The following DPY30 variants were observed in gnomAD, a reference collection of about 807,000 sequenced individuals.
DPY30 encodes the protein dpy-30 histone methyltransferase complex regulatory subunit, also known as protein dpy-30 homolog.
Under a neutral mutation model 16.2 loss-of-function variants are expected in DPY30, and 6 were observed. That is an observed-to-expected ratio of 0.37 (90% confidence interval 0.20 to 0.73). The LOEUF (loss-of-function observed/expected upper bound fraction) is 0.73. DPY30 is among the 30% of genes least tolerant of loss of function. The pLI, the probability that DPY30 is intolerant of heterozygous loss-of-function variation, is 0.51. For synonymous variants in DPY30, 39 were observed against 38.8 expected (o/e 1.00, Z -0.02); for missense variants, 73 against 113.1 (o/e 0.65, Z 1.61).
chr2:32,029,897 C>G (rs1675468272), intron 3 of DPY30, among the ~76,000 whole-genome samples, 161 bp from the exon 4 acceptor site: 2 of 152,048 alleles, frequency 1.3e-5, no homozygotes, highest in South Asian at 4.1e-4. Flanking sequence ...TAAATTCAGA[C>G]CCATCTTTCA....
chr2:32,037,577 A>G (rs2148671883), intron 3 of DPY30, among the ~76,000 whole-genome samples: 1 of 149,254 alleles, frequency 6.7e-6, no homozygotes, highest in South Asian at 2.1e-4. Flanking sequence ...TTTTTTTTTG[A>G]GACAGAGTCT....
intron 3 of DPY30, among the ~76,000 whole-genome samples, chr2:32,035,783 A>T (rs1333476043): frequency 2.0e-5 from 3 of 151,336 alleles, no homozygotes; most frequent in South Asian, 2.1e-4. Context: ...AAAATACAAA[A>T]ATTAGCTGGG....
chr2:32,034,298 C>A (rs1675656583), intron 3 of DPY30, among the ~76,000 whole-genome samples: 1 of 152,128 alleles, frequency 6.6e-6, no homozygotes, highest in Admixed American at 6.6e-5. Flanking sequence ...TATTTGGCCA[C>A]AGTTCTGCAA....
intron 4 of DPY30, among the ~76,000 whole-genome samples, chr2:32,026,239 A>G (rs1450356992): frequency 6.6e-6 from 1 of 151,634 alleles, no homozygotes; most frequent in East Asian, 2.0e-4. Flanking sequence ...TAAGACCCCA[A>G]CTCTTCAAAA....
At chr2:32,029,069 C>G (rs1174945610) in intron 4 of DPY30, among the ~76,000 whole-genome samples, 1 of 151,992 alleles carries the variant, frequency 6.6e-6, no homozygotes, top group Non-Finnish European at 1.5e-5. Context: ...GTTAGGAGTT[C>G]AAGACCAGCC....
At chr2:32,024,322 G>A (rs955724498) in intron 4 of DPY30, 66 bp from the exon 5 acceptor site, 13 of 1,152,058 alleles carry the variant, frequency 1.1e-5, no homozygotes, top group East Asian at 5.0e-5. Flanking sequence ...TAAACATATT[G>A]TTCCATAATG....
At chr2:32,039,215 A>T in intron 3 of DPY30, 64 bp downstream of exon 3, 1 of 1,558,674 alleles carries the variant, frequency 6.4e-7, no homozygotes, top group Non-Finnish European at 8.8e-7. Flanking sequence ...GTAAAAGCAG[A>T]TCCCAAGTTT....
At chr2:32,033,554 C>T (rs1007586624) in intron 3 of DPY30, among the ~76,000 whole-genome samples, 13 of 152,194 alleles carry the variant, frequency 8.5e-5, no homozygotes, top group African/African-American at 2.9e-4. Flanking sequence ...TGCCTGTAAT[C>T]CCAGCTACTC....
At chr2:32,017,159 A>T (rs928052086) in intron 5 of DPY30, among the ~76,000 whole-genome samples, 2 of 152,140 alleles carry the variant, frequency 1.3e-5, no homozygotes, top group African/African-American at 4.8e-5. Context: ...CTGGGATTAC[A>T]GGCGTGAGCC....
At chr2:32,029,538 A>G in intron 4 of DPY30, 56 bp downstream of exon 4, 7 of 1,590,316 alleles carry the variant, frequency 4.4e-6, no homozygotes, top group Non-Finnish European at 6.0e-6. Flanking sequence ...TATTTCAGAT[A>G]GGGGAATCTA....
At chr2:32,033,271 G>A (rs1675611661) in intron 3 of DPY30, among the ~76,000 whole-genome samples, 1 of 151,878 alleles carries the variant, frequency 6.6e-6, no homozygotes, top group Non-Finnish European at 1.5e-5. Context: ...TCGCACCGTT[G>A]CACTCCAGCC....
chr2:32,017,827 C>T (rs1675093549), intron 5 of DPY30, among the ~76,000 whole-genome samples: 1 of 152,166 alleles, frequency 6.6e-6, no homozygotes, highest in Non-Finnish European at 1.5e-5. Flanking sequence ...TGCTGTGTTC[C>T]CCCCAAATTC....
downstream of DPY30, among the ~76,000 whole-genome samples, chr2:32,019,474 G>A (rs1353152077): frequency 2.0e-5 from 3 of 152,020 alleles, no homozygotes; most frequent in South Asian, 2.1e-4. Context: ...TCATATCACT[G>A]CACTCCAGCC....
downstream of DPY30, chr2:32,021,204 G>C (rs1675172441): frequency 6.6e-6 from 1 of 152,476 alleles, no homozygotes; most frequent in Admixed American, 6.5e-5. Flanking sequence ...GGGAGGCGGA[G>C]GTTGCGGTGA....
chr2:32,019,921 C>A (rs1230511249), downstream of DPY30, among the ~76,000 whole-genome samples: 1 of 142,980 alleles, frequency 7.0e-6, no homozygotes, highest in Non-Finnish European at 1.5e-5. Context: ...TAAACATATA[C>A]ATATATTTGT....
intron 4 of DPY30, 70 bp downstream of exon 4, chr2:32,029,522 CTA>C: frequency 1.3e-6 from 2 of 1,568,808 alleles, no homozygotes; most frequent in Non-Finnish European, 1.7e-6. Context: ...CTATACATAA[CTA>C]TGATATTTCA....
At chr2:32,016,444 C>T (rs1277087230) in intron 5 of DPY30, among the ~76,000 whole-genome samples, 2 of 152,162 alleles carry the variant, frequency 1.3e-5, no homozygotes, top group African/African-American at 2.4e-5. Flanking sequence ...GAATCCAGTC[C>T]AGGAAAATAC....
chr2:32,022,954 G>C (rs1376956252), downstream of DPY30, among the ~76,000 whole-genome samples: 2 of 152,184 alleles, frequency 1.3e-5, no homozygotes, highest in African/African-American at 4.8e-5. Flanking sequence ...GGAGGGAGAA[G>C]ATGGGCATAC....
At position 32,023,997 on chromosome 2, in the gene DPY30, G is replaced by A. The variant is rs187789590; in HGVS notation, c.*187C>T. On this transcript the variant is annotated 3_prime_UTR_variant, in exon 5 of 5. Transcript: ENST00000342166. ...TTGCACAGAATACACTCATTAAATA[G>A]GTATGGTTTATGGTGATTAAATCAA... The A allele has an allele frequency of 2.1e-6, 3 of 1,443,044 alleles. No individual in the cohort carries two copies. The highest frequency in any genetic ancestry group is 2.7e-6 in the Non-Finnish European group (3 of 1,104,208). The allele number at this position is 1,443,044 out of a possible 1,614,324, so 89.4% of individuals were successfully genotyped here.
Sources: gnomAD v4.1 joint callset for allele counts (sites outside exome capture counted in the v4.1 genomes callset) on GRCh38, gnomAD v4.1.1 for gene constraint, MANE v1.5 for transcripts, NCBI Gene and HGNC (gene_info 2026-07-23, HGNC 2026-07-21) for gene names.